SIAH1: variants seen among roughly 807,000 people sequenced by gnomAD.
SIAH1 encodes the protein siah E3 ubiquitin protein ligase 1, also known as E3 ubiquitin-protein ligase SIAH1.
In SIAH1, 2 loss-of-function variants were observed where a neutral mutation model predicts 20.0. The observed-to-expected ratio is 0.10, with a 90% CI of 0.04 to 0.31. The LOEUF is 0.31. Among genes scored for constraint, SIAH1 ranks in the 10% least tolerant of loss-of-function variants. SIAH1 has a pLI of 1.00. For missense variants in SIAH1, 119 were observed against 355.3 expected (o/e 0.33, Z 5.35); for synonymous variants, 118 against 125.3 (o/e 0.94, Z 0.39).
upstream of SIAH1, among the ~76,000 whole-genome samples, chr16:48,386,259 C>A (rs1171846918): frequency 2.6e-5 from 4 of 152,180 alleles, no homozygotes; most frequent in Admixed American, 2.0e-4. Flanking sequence ...GTAATCCCAG[C>A]ACTTAGGGAG....
chr16:48,372,444 A>G (rs1961008903), intron 1 of SIAH1, among the ~76,000 whole-genome samples: 1 of 152,190 alleles, frequency 6.6e-6, no homozygotes, highest in Non-Finnish European at 1.5e-5. Flanking sequence ...AAAATTTAAT[A>G]TTTTACTTTC....
intron 1 of SIAH1, among the ~76,000 whole-genome samples, chr16:48,375,880 G>A (rs939660364): frequency 6.6e-6 from 1 of 152,130 alleles, no homozygotes; most frequent in East Asian, 1.9e-4. Context: ...TCAGACAAAG[G>A]GAGAGCAAGC....
At chr16:48,380,038 G>A (rs954439883) in intron 1 of SIAH1, among the ~76,000 whole-genome samples, 1 of 152,200 alleles carries the variant, frequency 6.6e-6, no homozygotes, top group Non-Finnish European at 1.5e-5. Flanking sequence ...TCTCTTAAAG[G>A]TAGAAGGAAA....
chr16:48,364,398 C>T (rs1960745960), intron 1 of SIAH1, among the ~76,000 whole-genome samples: 1 of 152,172 alleles, frequency 6.6e-6, no homozygotes, highest in Non-Finnish European at 1.5e-5. Flanking sequence ...CAACTGATAG[C>T]TTAAATGAGG....
Position 48,365,652 on chromosome 16 carries a change from C to A in SIAH1, c.-2-3222G>T. On this transcript the variant is annotated intron_variant, in intron 1 of 1. Coordinates refer to ENST00000394725, the MANE Select transcript of SIAH1 (RefSeq NM_003031.4). ...AGGTGGAGAAAGGAAGCCTTTCCAT[C>A]CCCAGGAGGCAACCACACCTCCCTG... is the stretch of plus-strand genomic sequence containing the variant. 5 of 1,432,104 alleles carry A rather than the reference C, an allele frequency of 3.5e-6. No individual in the cohort carries two copies. The South Asian group carries it at 6.0e-5, about 17-fold the overall frequency. 88.7% of individuals were successfully genotyped at this position (1,432,104 alleles called of 1,614,324 possible).
In SIAH1 at chr16:48,365,725, C is replaced by A. The variant is rs565923024; in HGVS notation, c.-2-3295G>T. 744 of 1,419,752 alleles carry A rather than the reference C, an allele frequency of 5.2e-4. 1 individual carries two copies. The highest frequency in any genetic ancestry group is 6.4e-4 in the Non-Finnish European group (698 of 1,091,752). The allele number at this position is 1,419,752 out of a possible 1,614,324, so 87.9% of individuals were successfully genotyped here. A position where few individuals can be genotyped will look rare whatever the true frequency, so the allele number is the denominator to read the frequency against. ...TCCAAAAATGGGAGCCACAGCTGCG[C>A]TGTCCTCCAATGTGCCCTAAGCTTT... On this transcript the variant is annotated intron_variant, in intron 1 of 1. Coordinates refer to ENST00000394725, the MANE Select transcript of SIAH1 (RefSeq NM_003031.4).
chr16:48,376,942 T>C (rs1307911476), intron 1 of SIAH1, among the ~76,000 whole-genome samples: 2 of 152,198 alleles, frequency 1.3e-5, no homozygotes, highest in Non-Finnish European at 2.9e-5. Context: ...GATTACTTCA[T>C]TTTGTCAAAT....
Position 48,361,546 on chromosome 16 carries a change from TTAAA to T in SIAH1, c.*30_*33del. The T allele has an allele frequency of 6.2e-7, 1 of 1,602,666 alleles. No homozygotes were observed. The highest frequency in any genetic ancestry group is 8.5e-7 in the Non-Finnish European group (1 of 1,175,310). On this transcript the variant is annotated 3_prime_UTR_variant, in exon 2 of 2. Transcript: ENST00000394725. ...CCTTATTTTCTGTGAAACTGAAGTT[TTAAA>T]CACTGGCCAGAAAATGTTTGATTGC...
In SIAH1 at chr16:48,362,720, T is replaced by C. The variant is rs1000882423; in HGVS notation, c.-2-290A>G. The C allele has an allele frequency of 1.8e-5, 5 of 284,928 alleles. No individual in the cohort carries two copies. The highest frequency in any genetic ancestry group is 1.3e-3 in the Middle Eastern group (1 of 776). 17.6% of individuals were successfully genotyped at this position (284,928 alleles called of 1,614,324 possible). A position where few individuals can be genotyped will look rare whatever the true frequency, so the allele number is the denominator to read the frequency against. On this transcript the variant is annotated intron_variant, in intron 1 of 1. Coordinates refer to ENST00000394725, the MANE Select transcript of SIAH1 (RefSeq NM_003031.4). The surrounding 1 kb of genome is among the most constrained non-coding windows in gnomAD (Gnocchi z 4.2). The stretch of plus-strand genomic sequence containing the variant: ...CTACATAGAATAATAAATGCTAAAA[T>C]AGAAAATGGACCATAAACAACTAAA...
At chr16:48,365,752 G>A (rs1167429373) in intron 1 of SIAH1, 4 of 1,356,134 alleles carry the variant, frequency 2.9e-6, no homozygotes, top group Non-Finnish European at 3.8e-6. Context: ...CTAAGCTTTC[G>A]TCTGTCTCCC....
intron 1 of SIAH1, among the ~76,000 whole-genome samples, chr16:48,371,014 T>G (rs1960971704): frequency 6.6e-6 from 1 of 150,516 alleles, no homozygotes; most frequent in Non-Finnish European, 1.5e-5. Flanking sequence ...CTACGGAAGC[T>G]GAGGCATAAG....
In SIAH1 at chr16:48,362,219, T is replaced by C. The variant is rs1960620670; in HGVS notation, c.210A>G (p.Thr70=). The change falls in exon 2 of 2, where the codon ACA becomes ACG. Residue 70 remains threonine (T), a synonymous_variant. Coordinates refer to ENST00000394725, the MANE Select transcript of SIAH1 (RefSeq NM_003031.4). This position sits in a 1 kb window ranked among gnomAD's most constrained non-coding sequence, Gnocchi z 4.2. ...AAGGGCCCCGGCAAGTTGGACAACA[T>C]GTGAGCTTTGGGCGACAGTTGCTAC... ...LVCSNCRPKL[T]CCPTCRGPLG... The C allele has an allele frequency of 1.2e-6, 2 of 1,614,190 alleles. No homozygotes were observed. The highest frequency in any genetic ancestry group is 2.7e-5 in the African/African-American group (2 of 75,036).
chr16:48,372,308 G>A (rs918874622), intron 1 of SIAH1, among the ~76,000 whole-genome samples: 1 of 152,108 alleles, frequency 6.6e-6, no homozygotes, highest in Non-Finnish European at 1.5e-5. Context: ...GTTGACATAA[G>A]CAGTACCACC....
At chr16:48,386,182 C>T (rs1307201207), upstream of SIAH1, among the ~76,000 whole-genome samples, 3 of 152,230 alleles carry the variant, frequency 2.0e-5, no homozygotes, top group Admixed American at 6.5e-5. Flanking sequence ...CATTTACAAG[C>T]CCTAACTGGA....
At chr16:48,383,537 ACACT>A (rs1179033011) in intron 1 of SIAH1, among the ~76,000 whole-genome samples, 1 of 152,258 alleles carries the variant, frequency 6.6e-6, no homozygotes. Context: ...CCATAGATAC[ACACT>A]CAAGTATTCA....
At position 48,374,386 on chromosome 16, in the gene SIAH1, A is replaced by C. The variant is rs1009792885; in HGVS notation, c.-3+10818T>G. Among the ~76,000 whole-genome samples, 5 of 152,218 alleles carry C rather than the reference A, an allele frequency of 3.3e-5. No individual in the cohort carries two copies. The East Asian group carries it at 7.7e-4, about 23-fold the overall frequency. On this transcript the variant is annotated intron_variant, in intron 1 of 1. Transcript: ENST00000394725. ...AGAACAATGCTTTTAAAATTCTCAA[A>C]GAAAATTATGCCCTAGAATTCTATA...
intron 1 of SIAH1, among the ~76,000 whole-genome samples, chr16:48,377,849 G>A (rs911796948): frequency 2.6e-5 from 4 of 152,074 alleles, no homozygotes; most frequent in East Asian, 1.9e-4. Context: ...AGGCCGAGGC[G>A]GCAGGATTGC....
intron 1 of SIAH1, among the ~76,000 whole-genome samples, chr16:48,383,030 G>A (rs1961339048): frequency 6.6e-6 from 1 of 152,214 alleles, no homozygotes; most frequent in East Asian, 1.9e-4. Context: ...TTTCTCTACA[G>A]CAATTTCGTA....
chr16:48,361,433 C>T lies in SIAH1; in HGVS notation c.*147G>A. The T allele has an allele frequency of 1.4e-6, 1 of 706,744 alleles. No homozygotes were observed. Among genetic ancestry groups the T allele is most frequent in the Admixed American group, 2.7e-5 (1 of 36,818 alleles). 43.8% of individuals were successfully genotyped at this position (706,744 alleles called of 1,614,324 possible). A position where few individuals can be genotyped will look rare whatever the true frequency, so the allele number is the denominator to read the frequency against. ...TAGTGTTACTACATGCAACTGTTTC[C>T]TGTATTTAACAGCCTTTCTTTTTAT... On this transcript the variant is annotated 3_prime_UTR_variant, in exon 2 of 2. Coordinates refer to ENST00000394725, the MANE Select transcript of SIAH1 (RefSeq NM_003031.4).
Sources: gnomAD v4.1 joint callset for allele counts (sites outside exome capture counted in the v4.1 genomes callset) on GRCh38, gnomAD v4.1.1 for gene constraint, Gnocchi (gnomAD v3.1) non-coding constraint, MANE v1.5 for transcripts, NCBI Gene and HGNC (gene_info 2026-07-23, HGNC 2026-07-21) for gene names.